The following L3HYPDH variants were observed in gnomAD, a reference collection of about 807,000 sequenced individuals.
The protein encoded by L3HYPDH is trans-3-hydroxy-L-proline dehydratase.
Under a neutral mutation model 26.5 loss-of-function variants are expected in L3HYPDH, and 32 were observed. The observed-to-expected ratio is 1.21, with a 90% CI of 0.91 to 1.62. L3HYPDH has a LOEUF of 1.62. L3HYPDH is among the 40% of genes most tolerant of loss of function. The pLI, the probability that L3HYPDH is intolerant of heterozygous loss-of-function variation, is 0.00. For missense variants in L3HYPDH, 554 were observed against 476.4 expected, an observed-to-expected ratio of 1.16 and a Z score of -1.52; for synonymous variants, 215 against 196.6, an observed-to-expected ratio of 1.09 and a Z score of -0.78.
chr14:59,477,640 G>C (rs1436872391), intron 2 of L3HYPDH, among the ~76,000 whole-genome samples: 1 of 152,148 alleles, frequency 6.6e-6, no homozygotes, highest in Non-Finnish European at 1.5e-5. Flanking sequence ...CTGCTTAATG[G>C]AACAGAAAAC....
rs191896843 is a variant in L3HYPDH at position 59,477,781 on chromosome 14, A to T, written c.678+1401T>A. Among the ~76,000 whole-genome samples, 5 of 152,230 alleles carry T rather than the reference A, an allele frequency of 3.3e-5. No homozygotes were observed. The East Asian group carries it at 9.6e-4, about 29-fold the overall frequency. ...TCATTTTAAGTTATAAATTATTTTAAAATAAAGCTTCAGAAAATGATAATT... is the reference window on the plus strand; with the variant it reads ...TCATTTTAAGTTATAAATTATTTTATAATAAAGCTTCAGAAAATGATAATT... On this transcript the variant is annotated intron_variant, in intron 2 of 4. Coordinates refer to ENST00000247194, the MANE Select transcript of L3HYPDH (RefSeq NM_144581.2).
chr14:59,469,814 A>G (rs1889269369), downstream of L3HYPDH, among the ~76,000 whole-genome samples: 1 of 152,202 alleles, frequency 6.6e-6, no homozygotes, highest in Non-Finnish European at 1.5e-5. Context: ...TACTGAATCT[A>G]CAGTATGGCC....
chr14:59,473,206 G>T, intron 4 of L3HYPDH, 116 bp from the exon 5 acceptor site: 1 of 924,586 alleles, frequency 1.1e-6, no homozygotes, highest in Non-Finnish European at 1.5e-6. Flanking sequence ...TTAATCCTAT[G>T]GGCCAGGGAA....
upstream of L3HYPDH, among the ~76,000 whole-genome samples, chr14:59,487,026 C>G (rs1251803178): frequency 6.6e-6 from 1 of 151,940 alleles, no homozygotes; most frequent in African/African-American, 2.4e-5. Context: ...TATGGTGAAA[C>G]CCCATCTCTG....
chr14:59,475,925 T>C lies in L3HYPDH; in HGVS notation c.883A>G (p.Met295Val). The part of the protein sequence containing the change: ...YHKGLLELNQ[M>V]RAFKSSATGS... ...GTTGCACTGCTTTTGAAGGCTCTCA[T>C]CTGGTTCAGTTCCAGAAGCCCTTTG... is the stretch of plus-strand genomic sequence containing the variant. Residue 295 changes from methionine to valine, a missense_variant, in exon 4 of 5, where the codon ATG (methionine) becomes GTG (valine). Met to Val is a conservative substitution (Grantham distance 21). Coordinates refer to ENST00000247194, the MANE Select transcript of L3HYPDH (RefSeq NM_144581.2). 6.2e-7 allele frequency: 1 copy of C among 1,613,940 alleles called. No homozygotes were observed. The highest frequency in any genetic ancestry group is 1.1e-5 in the South Asian group (1 of 91,074).
chr14:59,484,035 G>C lies in L3HYPDH; in HGVS notation c.282C>G (p.Phe94Leu). Residue 94 changes from phenylalanine to leucine, a missense_variant, in exon 1 of 5, where the codon TTC (phenylalanine) becomes TTG (leucine). Phe to Leu is a conservative substitution (Grantham distance 22). Coordinates refer to ENST00000247194, the MANE Select transcript of L3HYPDH (RefSeq NM_144581.2). The stretch of plus-strand genomic sequence containing the variant: ...TGGAGCTGTAGCCCTCGTTGTGCAG[G>C]AACAGGACGCCCAGATGCGCGTCCG... ...ELPDAHLGVL[F>L]LHNEGYSSMC... 1.9e-6 allele frequency: 3 copies of C among 1,605,772 alleles called. No individual in the cohort carries two copies. The highest frequency in any genetic ancestry group is 1.1e-5 in the South Asian group (1 of 90,830).
chr14:59,485,864 C>G (rs1218758244), upstream of L3HYPDH: 2 of 152,262 alleles, frequency 1.3e-5, no homozygotes, highest in Non-Finnish European at 2.9e-5. Context: ...GATCTGCCCA[C>G]CTCGACCTCC....
the L3HYPDH span, chr14:59,501,348 T>A: frequency 1.2e-6 from 1 of 842,030 alleles, no homozygotes; most frequent in Non-Finnish European, 1.9e-6. Flanking sequence ...TATGATATGA[T>A]ATAGTACAAC....
In L3HYPDH at chr14:59,484,333, G is replaced by T; in HGVS notation, c.-17C>A. ...GCTCTCCATGGTCTGCGTCGGGGGA[G>T]ACGAGTACGGTCCCGCAGCTATGGC... On this transcript the variant is annotated 5_prime_UTR_variant, in exon 1 of 5. Coordinates refer to ENST00000247194, the MANE Select transcript of L3HYPDH (RefSeq NM_144581.2). 3 of 1,569,396 alleles carry T rather than the reference G, an allele frequency of 1.9e-6. No individual in the cohort carries two copies.
intron 1 of L3HYPDH, among the ~76,000 whole-genome samples, chr14:59,480,352 G>C (rs917474149): frequency 2.0e-5 from 3 of 152,178 alleles, no homozygotes; most frequent in Non-Finnish European, 4.4e-5. Context: ...ACAGAGGATG[G>C]GGAGGCAGTG....
At chr14:59,481,085 C>A (rs540802210) in intron 1 of L3HYPDH, among the ~76,000 whole-genome samples, 15 of 152,258 alleles carry the variant, frequency 9.9e-5, no homozygotes, top group African/African-American at 3.6e-4. Context: ...CCTGGCCCAA[C>A]CTTTCTAGAA....
At chr14:59,477,954 T>C (rs1054457427) in intron 2 of L3HYPDH, among the ~76,000 whole-genome samples, 2 of 152,196 alleles carry the variant, frequency 1.3e-5, no homozygotes, top group Non-Finnish European at 2.9e-5. Context: ...GCTTCACTCG[T>C]GCTAGAAGTG....
the L3HYPDH span, among the ~76,000 whole-genome samples, chr14:59,493,938 G>T: frequency 6.6e-6 from 1 of 152,166 alleles, no homozygotes; most frequent in Non-Finnish European, 1.5e-5. Flanking sequence ...TGGCAAATTA[G>T]TTGGGAAGGT....
the L3HYPDH span, among the ~76,000 whole-genome samples, chr14:59,490,567 G>C: frequency 6.6e-6 from 1 of 152,188 alleles, no homozygotes; most frequent in Non-Finnish European, 1.5e-5. Flanking sequence ...ATAGACTATG[G>C]TAGTTGGAAT....
chr14:59,501,340 T>A, the L3HYPDH span: 1 of 902,682 alleles, frequency 1.1e-6, no homozygotes, highest in East Asian at 2.4e-5. Context: ...ATAGTCCATA[T>A]GATATGATAT....
the L3HYPDH span, among the ~76,000 whole-genome samples, chr14:59,500,484 AGTATTACT>A: frequency 3.3e-5 from 5 of 152,336 alleles, no homozygotes; most frequent in African/African-American, 1.2e-4. Context: ...ATTTGCTTAA[AGTATTACT>A]GTACTGTATT....
chr14:59,500,926 T>C, the L3HYPDH span: 1 of 336,582 alleles, frequency 3.0e-6, no homozygotes, highest in East Asian at 5.5e-5. Context: ...TGCCCATTCA[T>C]GTATGTATTC....
chr14:59,490,592 T>G, the L3HYPDH span, among the ~76,000 whole-genome samples: 3 of 152,188 alleles, frequency 2.0e-5, no homozygotes, highest in Non-Finnish European at 4.4e-5. Flanking sequence ...ATGGAAAGGA[T>G]GGTCAGATAG....
the L3HYPDH span, among the ~76,000 whole-genome samples, chr14:59,494,480 C>T: frequency 1.3e-5 from 2 of 152,000 alleles, no homozygotes; most frequent in Non-Finnish European, 2.9e-5. Flanking sequence ...TGATATCATT[C>T]AAAAATAAGC....
Sources: gnomAD v4.1 joint callset for allele counts (sites outside exome capture counted in the v4.1 genomes callset) on GRCh38, gnomAD v4.1.1 for gene constraint, MANE v1.5 for transcripts, NCBI Gene and HGNC (gene_info 2026-07-23, HGNC 2026-07-21) for gene names.